Variants in CDH13 observed in about 807,000 individuals in gnomAD.
The protein encoded by CDH13 is cadherin-13.
In CDH13, 24 loss-of-function variants were observed where a neutral mutation model predicts 63.8. The ratio of observed to expected loss-of-function variants is 0.38; its 90% CI spans 0.27 to 0.53. CDH13 has a LOEUF of 0.53. Among genes scored for constraint, CDH13 ranks in the 20% least tolerant of loss-of-function variants. The pLI is 0.85. For missense variants in CDH13, 1,049 were observed against 903.1 expected (o/e 1.16, Z -2.07); for synonymous variants, 503 against 355.3 (o/e 1.42, Z -4.67).
rs115091206 is a variant in CDH13, at chr16:83,218,791, G to A, written c.636+1294G>A. On this transcript the variant is annotated intron_variant, in intron 5 of 13. Coordinates refer to ENST00000567109, the MANE Select transcript of CDH13 (RefSeq NM_001257.5). Reference sequence around the variant, plus strand: ...GAATTGTAGCTCTGAGAATTCACACGTGTCATGGGAGGGACCCAGTGGGAG... The same window carrying A: ...GAATTGTAGCTCTGAGAATTCACACATGTCATGGGAGGGACCCAGTGGGAG... Among the ~76,000 whole-genome samples the A allele has an allele frequency of 7.1e-3, 1,077 of 152,268 alleles. 16 individuals carry two copies. The highest frequency in any genetic ancestry group is 0.024 in the African/African-American group (1,009 of 41,560).
At chr16:83,216,427 T>TATAAATATATATATATATATATATATAA (rs1555513897) in intron 4 of CDH13, among the ~76,000 whole-genome samples, 1 of 45,056 alleles carries the variant, frequency 2.2e-5, no homozygotes, top group African/African-American at 5.9e-5. Flanking sequence ...TATATATATA[T>TATAAATATATATATATATATATATATAA]ATATATATAT....
intron 2 of CDH13, among the ~76,000 whole-genome samples, chr16:82,939,906 A>G (rs2042780755): frequency 6.6e-6 from 1 of 152,184 alleles, no homozygotes; most frequent in Admixed American, 6.5e-5. Flanking sequence ...CTGGGTAATA[A>G]GGAAAAAGAG....
At chr16:83,048,942 A>G (rs1235881982) in intron 3 of CDH13, among the ~76,000 whole-genome samples, 5 of 152,078 alleles carry the variant, frequency 3.3e-5, no homozygotes, top group African/African-American at 1.2e-4. Context: ...TCATACCTTA[A>G]TACTCCGAAA....
chr16:83,486,964 A>T (rs191677411), intron 7 of CDH13, among the ~76,000 whole-genome samples: 45 of 152,218 alleles, frequency 3.0e-4, no homozygotes, highest in Admixed American at 9.2e-4. Context: ...CCCCTGCTTT[A>T]ATGCTAGAAG....
intron 6 of CDH13, among the ~76,000 whole-genome samples, chr16:83,374,060 C>T (rs549139891): frequency 2.0e-5 from 3 of 152,282 alleles, no homozygotes; most frequent in Admixed American, 6.5e-5. Flanking sequence ...GGTACTAAGG[C>T]GTGCTAAAGG....
At chr16:83,354,748 G>A (rs964285991) in intron 6 of CDH13, among the ~76,000 whole-genome samples, 1 of 152,194 alleles carries the variant, frequency 6.6e-6, no homozygotes, top group Non-Finnish European at 1.5e-5. Context: ...GTAGTACCAG[G>A]TGAGACAGGG....
rs372042904 is a variant in CDH13 at position 82,739,541 on chromosome 16, G to A, written c.45+112404G>A. ...TCATTTAAACCTACTTACTCTCCCT[G>A]TTTAAGCAATGAGGAGGATTCTGTT... is the stretch of plus-strand genomic sequence containing the variant. On this transcript the variant is annotated intron_variant, in intron 1 of 13. Transcript: ENST00000567109. Among the ~76,000 whole-genome samples the A allele has an allele frequency of 3.9e-5, 6 of 152,332 alleles. No individual in the cohort carries two copies. The East Asian group carries it at 1.2e-3, about 29-fold the overall frequency.
intron 2 of CDH13, among the ~76,000 whole-genome samples, chr16:82,882,928 C>G (rs1005048838): frequency 1.3e-5 from 2 of 152,132 alleles, no homozygotes; most frequent in Admixed American, 6.5e-5. Flanking sequence ...ATGTATAAGC[C>G]TACCCCTTTA....
At chr16:82,805,483 A>T (rs1343155869) in intron 1 of CDH13, among the ~76,000 whole-genome samples, 1 of 152,142 alleles carries the variant, frequency 6.6e-6, no homozygotes, top group African/African-American at 2.4e-5. Flanking sequence ...ATGCCAGAAG[A>T]GTGTATTTGG....
At chr16:83,687,512 A>G (rs1320639214) in intron 10 of CDH13, among the ~76,000 whole-genome samples, 1 of 152,176 alleles carries the variant, frequency 6.6e-6, no homozygotes, top group Non-Finnish European at 1.5e-5. Flanking sequence ...GCCACCAAGG[A>G]GGGATTGCGT....
intron 2 of CDH13, among the ~76,000 whole-genome samples, chr16:82,929,513 A>G (rs531843360): frequency 5.9e-5 from 9 of 151,480 alleles, no homozygotes; most frequent in Non-Finnish European, 1.0e-4. Context: ...TTAGCTGGGC[A>G]TGGTAGTGGG....
intron 5 of CDH13, among the ~76,000 whole-genome samples, chr16:83,328,841 GA>G (rs201709508): frequency 4.0e-5 from 6 of 151,274 alleles, no homozygotes; most frequent in East Asian, 1.9e-4. Flanking sequence ...AAATGCTTAA[GA>G]AAAAAAAATG....
intron 1 of CDH13, among the ~76,000 whole-genome samples, chr16:82,819,722 C>T (rs757011682): frequency 6.6e-6 from 1 of 152,218 alleles, no homozygotes; most frequent in Non-Finnish European, 1.5e-5. Flanking sequence ...CTTTCTTCTT[C>T]AAAATGTATT....
intron 5 of CDH13, among the ~76,000 whole-genome samples, chr16:83,281,894 C>T (rs1030136211): frequency 2.4e-4 from 36 of 152,148 alleles, no homozygotes; most frequent in African/African-American, 8.4e-4. Flanking sequence ...ACCTCGGCAA[C>T]AGAGCGGGAC....
chr16:83,285,540 C>A (rs1308663867), intron 5 of CDH13, among the ~76,000 whole-genome samples: 1 of 151,836 alleles, frequency 6.6e-6, no homozygotes, highest in Non-Finnish European at 1.5e-5. Flanking sequence ...AACACCATAA[C>A]CATAAAAAAA....
At chr16:82,954,227 G>T (rs1417105377) in intron 2 of CDH13, 1 of 152,094 alleles carries the variant, frequency 6.6e-6, no homozygotes, top group East Asian at 1.9e-4. Context: ...AGGAAGCTGG[G>T]TATTGCTCTT....
intron 7 of CDH13, among the ~76,000 whole-genome samples, chr16:83,527,302 A>T (rs186534022): frequency 6.6e-6 from 1 of 152,028 alleles, no homozygotes; most frequent in African/African-American, 2.4e-5. Flanking sequence ...ACAAAAAATT[A>T]GCTGGGCATG....
intron 5 of CDH13, among the ~76,000 whole-genome samples, chr16:83,342,829 GT>G (rs1010732118): frequency 1.0e-4 from 8 of 78,402 alleles, no homozygotes; most frequent in Non-Finnish European, 1.6e-4. Context: ...TAGGCACAGT[GT>G]TTTTTTGTTT....
At chr16:83,649,156 G>A (rs1408447171) in intron 8 of CDH13, among the ~76,000 whole-genome samples, 1 of 152,226 alleles carries the variant, frequency 6.6e-6, no homozygotes, top group Admixed American at 6.5e-5. Flanking sequence ...GGTTAAAGTG[G>A]CCACAGGCTG....
Sources: allele counts gnomAD v4.1 joint callset (sites outside exome capture counted in the v4.1 genomes callset), GRCh38; gene constraint gnomAD v4.1.1; transcripts MANE v1.5; gene names NCBI Gene and HGNC (gene_info 2026-07-23, HGNC 2026-07-21).